Variants in CMC1 observed in about 807,000 individuals in gnomAD.
CMC1 encodes the protein C-X9-C motif containing 1.
CMC1 carries 14 observed loss-of-function variants against 14.1 expected under a neutral mutation model. The observed-to-expected ratio is 0.99, with a 90% CI of 0.66 to 1.55. The LOEUF (loss-of-function observed/expected upper bound fraction) is 1.55. CMC1 is among the 40% of genes most tolerant of loss of function. CMC1 has a pLI of 0.00. For synonymous variants in CMC1, 50 were observed against 38.4 expected (o/e 1.30, Z -1.12); for missense variants, 127 against 123.8 (o/e 1.03, Z -0.12).
chr3:28,276,090 T>A (rs1700577957), intron 2 of CMC1, among the ~76,000 whole-genome samples: 1 of 152,074 alleles, frequency 6.6e-6, no homozygotes, highest in Non-Finnish European at 1.5e-5. Context: ...CCCCGGGAAC[T>A]CAGTAGTCTT....
chr3:28,281,768 A>G lies in CMC1; in HGVS notation c.109+18388A>G, dbSNP rs17021331. 7.7e-3 allele frequency among the ~76,000 whole-genome samples: 1,171 copies of G among 152,342 alleles called. 16 individuals carry two copies. The highest frequency in any genetic ancestry group is 0.026 in the African/African-American group (1,082 of 41,578). On this transcript the variant is annotated intron_variant, in intron 2 of 3. Coordinates refer to ENST00000466830, the MANE Select transcript of CMC1 (RefSeq NM_182523.2). ...ATAGGCAGGTGAGACTTAATGAAGT[A>G]TGTGGGTTATCAACTGGACCTTGAA...
intron 1 of CMC1, among the ~76,000 whole-genome samples, chr3:28,242,068 T>A (rs1033130898): frequency 2.0e-5 from 3 of 152,238 alleles, no homozygotes; most frequent in Non-Finnish European, 1.5e-5. Flanking sequence ...ACGCGACTAG[T>A]CTCTTCATTG....
chr3:28,265,109 G>A (rs939963961), intron 2 of CMC1, among the ~76,000 whole-genome samples: 1 of 152,064 alleles, frequency 6.6e-6, no homozygotes, highest in Non-Finnish European at 1.5e-5. Context: ...ACGTAGTTAA[G>A]TTTTTGCTGT....
At chr3:28,274,123 C>T (rs542192372) in intron 2 of CMC1, among the ~76,000 whole-genome samples, 1 of 151,276 alleles carries the variant, frequency 6.6e-6, no homozygotes, top group African/African-American at 2.4e-5. Context: ...TGAATTTGGT[C>T]CTGCCATCAT....
Position 28,246,818 on chromosome 3 carries a change from T to TA in CMC1, c.19+5007dup, listed in dbSNP as rs1197860771. Among the ~76,000 whole-genome samples, 72 of 149,140 alleles carry TA rather than the reference T, an allele frequency of 4.8e-4. 1 individual carries two copies. The highest frequency in any genetic ancestry group is 1.8e-3 in the African/African-American group (70 of 39,842). On this transcript the variant is annotated intron_variant, in intron 1 of 3. Coordinates refer to ENST00000466830, the MANE Select transcript of CMC1 (RefSeq NM_182523.2). ...CATTGATTTTTTTTTTTTTTTTTTT[T>TA]ACCTGATTCAGTCTTTCCCATAATG... is the stretch of plus-strand genomic sequence containing the variant.
At chr3:28,308,338 A>G (rs73822577) in intron 2 of CMC1, among the ~76,000 whole-genome samples, 1,723 of 152,292 alleles carry the variant, frequency 0.011, 27 homozygotes, top group African/African-American at 0.03. Context: ...ACATTGAGCA[A>G]TATAGTAAAT....
intron 2 of CMC1, among the ~76,000 whole-genome samples, chr3:28,297,838 TGTA>T (rs1701808754): frequency 6.6e-6 from 1 of 152,034 alleles, no homozygotes. Context: ...GGACATGTGT[TGTA>T]GTGGTTCATT....
intron 1 of CMC1, among the ~76,000 whole-genome samples, chr3:28,258,139 A>G (rs1559404065): frequency 6.8e-6 from 1 of 147,302 alleles, no homozygotes; most frequent in Admixed American, 6.8e-5. Context: ...CCTTTTGTCC[A>G]TCTTTTATTG....
At chr3:28,246,465 C>G (rs865877863) in intron 1 of CMC1, among the ~76,000 whole-genome samples, 3 of 152,114 alleles carry the variant, frequency 2.0e-5, no homozygotes, top group African/African-American at 7.2e-5. Flanking sequence ...ATACTAAGAA[C>G]AATGGGAAGA....
At chr3:28,276,861 G>A (rs1432922744) in intron 2 of CMC1, among the ~76,000 whole-genome samples, 2 of 152,184 alleles carry the variant, frequency 1.3e-5, no homozygotes, top group Non-Finnish European at 2.9e-5. Flanking sequence ...GTTATTAATA[G>A]CCCGTTTTTG....
intron 2 of CMC1, chr3:28,293,066 A>G (rs1189146168): frequency 6.6e-6 from 1 of 152,188 alleles, no homozygotes; most frequent in Admixed American, 6.5e-5. Flanking sequence ...TATGCTAAAC[A>G]TACCTTTAAT....
chr3:28,280,740 G>A (rs1022994870), intron 2 of CMC1, among the ~76,000 whole-genome samples: 2 of 152,128 alleles, frequency 1.3e-5, no homozygotes, highest in Non-Finnish European at 2.9e-5. Flanking sequence ...AGCAGAGTCC[G>A]ATTGCTTATA....
chr3:28,286,285 G>C (rs534915771), intron 2 of CMC1, among the ~76,000 whole-genome samples: 1 of 152,224 alleles, frequency 6.6e-6, no homozygotes, highest in South Asian at 2.1e-4. Flanking sequence ...CGTTAACTTA[G>C]TCGGGCAGCA....
chr3:28,241,774 G>C lies in CMC1; in HGVS notation c.-20G>C, dbSNP rs1237176300. On this transcript the variant is annotated 5_prime_UTR_variant, in exon 1 of 4. Coordinates refer to ENST00000466830, the MANE Select transcript of CMC1 (RefSeq NM_182523.2). ...TGCCCCGGAGCCGCCAAGCGGCTAC[G>C]TTCTTCTCGGCCCGCCGAGATGGCG... The C allele has an allele frequency of 2.4e-6, 3 of 1,241,446 alleles. No homozygotes were observed. Among genetic ancestry groups the C allele is most frequent in the East Asian group, 3.2e-5 (1 of 31,688 alleles). The allele number at this position is 1,241,446 out of a possible 1,614,324, so 76.9% of individuals were successfully genotyped here.
chr3:28,280,014 C>G lies in CMC1; in HGVS notation c.109+16634C>G, dbSNP rs193193399. On this transcript the variant is annotated intron_variant, in intron 2 of 3. Transcript: ENST00000466830. Reference sequence around the variant, plus strand: ...CCAAAAATTGAAAATAGCCCAGATTCGTCTCAAAAAAAGAAGAGATGACTA... The same window carrying G: ...CCAAAAATTGAAAATAGCCCAGATTGGTCTCAAAAAAAGAAGAGATGACTA... Among the ~76,000 whole-genome samples the G allele has an allele frequency of 4.5e-3, 685 of 152,156 alleles. 18 individuals are homozygous for G. Among genetic ancestry groups the G allele is most frequent in the Middle Eastern group, 3.4e-3 (1 of 294 alleles).
chr3:28,298,012 T>C (rs562236713), intron 2 of CMC1, among the ~76,000 whole-genome samples: 2 of 152,042 alleles, frequency 1.3e-5, no homozygotes, highest in South Asian at 2.1e-4. Flanking sequence ...GTTGGTCTGG[T>C]TCAAGAAAAA....
chr3:28,310,970 G>A (rs1702610701), intron 2 of CMC1, among the ~76,000 whole-genome samples: 1 of 152,214 alleles, frequency 6.6e-6, no homozygotes, highest in Non-Finnish European at 1.5e-5. Context: ...GTGGAGCTCA[G>A]GCAGTAATGC....
chr3:28,285,803 G>A (rs1327772127), intron 2 of CMC1, among the ~76,000 whole-genome samples: 5 of 142,892 alleles, frequency 3.5e-5, no homozygotes, highest in African/African-American at 1.1e-4. Context: ...GTCTTGCTCT[G>A]TCGCCCAGGC....
At chr3:28,279,554 T>C (rs2125513689) in intron 2 of CMC1, among the ~76,000 whole-genome samples, 1 of 115,582 alleles carries the variant, frequency 8.7e-6, no homozygotes, top group East Asian at 2.1e-4. Flanking sequence ...TTGTAATTGC[T>C]TAAGAACCAT....
Sources: allele counts gnomAD v4.1 joint callset (sites outside exome capture counted in the v4.1 genomes callset), GRCh38; gene constraint gnomAD v4.1.1; transcripts MANE v1.5; gene names NCBI Gene and HGNC (gene_info 2026-07-23, HGNC 2026-07-21).